The following CLCN7 variants were observed in gnomAD, a reference collection of about 807,000 sequenced individuals.
CLCN7 encodes the protein H(+)/Cl(-) exchange transporter 7.
A neutral mutation model predicts 102.1 loss-of-function variants in CLCN7; 60 were observed. The observed-to-expected ratio is 0.59, with a 90% CI of 0.48 to 0.73. The LOEUF is 0.73. Among genes scored for constraint, CLCN7 ranks in the 30% least tolerant of loss-of-function variants. The pLI is 0.00. For missense variants in CLCN7, 962 were observed against 1,125.7 expected (o/e 0.85, Z 2.08); for synonymous variants, 560 against 490.5 (o/e 1.14, Z -1.87).
chr16:1,455,431 C>A, intron 11 of CLCN7, 181 bp from the exon 12 acceptor site: 1 of 664,448 alleles, frequency 1.5e-6, no homozygotes. Flanking sequence ...CAAGGAGCGG[C>A]CCAGCCCTCT....
In CLCN7 at chr16:1,452,801, C is replaced by T. The variant is rs553904081; in HGVS notation, c.1307G>A (p.Arg436Gln). 2.0e-5 allele frequency: 32 copies of T among 1,605,922 alleles called. No individual in the cohort carries two copies. The highest frequency in any genetic ancestry group is 1.2e-4 in the South Asian group (11 of 89,958). Reference sequence around the variant, plus strand: ...GCCCCCCTGCAGGGGCTGGCAATCCCGCGACGAGTAGATCAGCACGAAGGC... The same window carrying T: ...GCCCCCCTGCAGGGGCTGGCAATCCTGCGACGAGTAGATCAGCACGAAGGC... ...TVAFVLIYSS[R>Q]DCQPLQGGSM... Residue 436 changes from arginine (R) to glutamine (Q), a missense_variant, in exon 15 of 25, where the codon CGG (arginine) becomes CAG (glutamine). Arg to Gln is a conservative substitution (Grantham distance 43, BLOSUM62 1). Coordinates refer to ENST00000382745, the MANE Select transcript of CLCN7 (RefSeq NM_001287.6).
rs374886103 is a variant in CLCN7, at chr16:1,455,110, G to A, written c.1098+24C>T. On this transcript the variant is annotated intron_variant, in intron 12 of 24. Transcript: ENST00000382745. ...TCCTGGACCAGGATACGAGGTGGGC[G>A]AGGTGGGCGATGGGGCAGGTTACCT... The A allele has an allele frequency of 8.9e-5, 119 of 1,336,208 alleles. 1 individual carries two copies. The highest frequency in any genetic ancestry group is 1.1e-4 in the Non-Finnish European group (105 of 926,264). The allele number at this position is 1,336,208 out of a possible 1,614,324, so 82.8% of individuals were successfully genotyped here. A position where few individuals can be genotyped will look rare whatever the true frequency, so the allele number is the denominator to read the frequency against.
intron 6 of CLCN7, 151 bp downstream of exon 6, chr16:1,460,267 G>A (rs1203477636): frequency 7.4e-6 from 5 of 680,142 alleles, no homozygotes; most frequent in South Asian, 6.0e-5. Context: ...TCCTCCTGAG[G>A]TTGTGAGTCT....
rs2038862607 is a variant in CLCN7 at position 1,457,849 on chromosome 16, C to T, written c.676-93G>A. The T allele has an allele frequency of 3.0e-6, 4 of 1,314,000 alleles. No individual in the cohort carries two copies. Among genetic ancestry groups the T allele is most frequent in the Admixed American group, 1.7e-5 (1 of 57,538 alleles). 81.4% of individuals were successfully genotyped at this position (1,314,000 alleles called of 1,614,324 possible). A position where few individuals can be genotyped will look rare whatever the true frequency, so the allele number is the denominator to read the frequency against. ...AACAGCACACACAGCCCCGATCAGG[C>T]AGAGTGGCTGGGACACGGGGCCTCC... On this transcript the variant is annotated intron_variant, in intron 7 of 24. Transcript: ENST00000382745. The surrounding 1 kb of genome is among the most constrained non-coding windows in gnomAD (Gnocchi z 5.4).
chr16:1,458,835 C>T (rs1466677260), intron 7 of CLCN7, among the ~76,000 whole-genome samples: 1 of 152,252 alleles, frequency 6.6e-6, no homozygotes, highest in Non-Finnish European at 1.5e-5. Flanking sequence ...CAGTCACAGA[C>T]GCGTCGCACA....
Position 1,445,932 on chromosome 16 carries a change from G to GACTCCAA in CLCN7, c.*698_*699insTTGGAGT. The GACTCCAA allele has an allele frequency of 3.7e-6, 1 of 269,572 alleles. No homozygotes were observed. Among genetic ancestry groups the GACTCCAA allele is most frequent in the Non-Finnish European group, 7.0e-6 (1 of 142,478 alleles). The allele number at this position is 269,572 out of a possible 1,614,324, so 16.7% of individuals were successfully genotyped here. On this transcript the variant is annotated 3_prime_UTR_variant, in exon 25 of 25. Coordinates refer to ENST00000382745, the MANE Select transcript of CLCN7 (RefSeq NM_001287.6). ...AAGGCAGGGCTGGGCATGGGGCTCA[G>GACTCCAA]GGCCTTGGAGGTTTTTCTCAGCTCT... is the stretch of plus-strand genomic sequence containing the variant.
intron 21 of CLCN7, among the ~76,000 whole-genome samples, chr16:1,448,105 C>T (rs1016150945): frequency 1.3e-5 from 2 of 152,196 alleles, no homozygotes; most frequent in African/African-American, 2.4e-5. Flanking sequence ...AAAGTCACGG[C>T]CCCCAGTGCC....
intron 10 of CLCN7, 58 bp downstream of exon 10, chr16:1,456,055 G>A (rs1383910514): frequency 1.7e-5 from 24 of 1,386,474 alleles, no homozygotes; most frequent in South Asian, 2.5e-5. Context: ...AGAGGAGACC[G>A]TTCCTTCCAA....
chr16:1,470,617 G>T (rs2039065923), intron 1 of CLCN7, among the ~76,000 whole-genome samples: 1 of 152,222 alleles, frequency 6.6e-6, no homozygotes, highest in African/African-American at 2.4e-5. Flanking sequence ...ATGCTGGAGG[G>T]CAGGGAAGGG....
intron 1 of CLCN7, 121 bp downstream of exon 1, chr16:1,474,713 C>T: frequency 1.1e-6 from 1 of 893,986 alleles, no homozygotes; most frequent in Non-Finnish European, 1.4e-6. Flanking sequence ...GTTCCCGAGT[C>T]CACCGCGCCT....
intron 2 of CLCN7, 119 bp downstream of exon 2, chr16:1,465,148 C>A: frequency 1.1e-6 from 1 of 872,466 alleles, no homozygotes; most frequent in Admixed American, 2.0e-5. Flanking sequence ...GGAAATCTTC[C>A]CTGAACCCCG....
At chr16:1,455,605 TGACAGACCCACAGGG>T in intron 11 of CLCN7, 111 bp downstream of exon 11, 1 of 1,044,294 alleles carries the variant, frequency 9.6e-7, no homozygotes, top group Non-Finnish European at 1.5e-6. Flanking sequence ...GACCAAGGCC[TGACAGACCCACAGGG>T]GGTCCAGCTC....
intron 6 of CLCN7, chr16:1,459,428 C>G: frequency 2.0e-6 from 1 of 493,086 alleles, no homozygotes; most frequent in Non-Finnish European, 3.7e-6. Context: ...GCTCAGCACA[C>G]ACGTCGGGGC....
rs1023162670 is a variant in CLCN7 at position 1,446,268 on chromosome 16, T to C, written c.*363A>G. ...GGGGCAGCAGCAGGGGCAAGGGCTC[T>C]GTCTCACGCACACGGGCACAGGCAC... On this transcript the variant is annotated 3_prime_UTR_variant, in exon 25 of 25. Coordinates refer to ENST00000382745, the MANE Select transcript of CLCN7 (RefSeq NM_001287.6). 7.5e-5 allele frequency: 52 copies of C among 689,700 alleles called. No individual in the cohort carries two copies. The East Asian group carries it at 1.4e-3, about 18-fold the overall frequency. The allele number at this position is 689,700 out of a possible 1,614,324, so 42.7% of individuals were successfully genotyped here.
At position 1,474,464 on chromosome 16, in the gene CLCN7, A is replaced by G. The variant is rs1364718810; in HGVS notation, c.141+370T>C. 8 of 344,022 alleles carry G rather than the reference A, an allele frequency of 2.3e-5. No individual in the cohort carries two copies. In the Admixed American group the frequency reaches 3.5e-4, roughly 15 times the overall value. The allele number at this position is 344,022 out of a possible 1,614,324, so 21.3% of individuals were successfully genotyped here. ...TGCTCGTGTAGGATGACAATTTTTAAAAGTCACCTGAACAGAAAGCCACTT... is the reference window on the plus strand; with the variant it reads ...TGCTCGTGTAGGATGACAATTTTTAGAAGTCACCTGAACAGAAAGCCACTT... On this transcript the variant is annotated intron_variant, in intron 1 of 24. Coordinates refer to ENST00000382745, the MANE Select transcript of CLCN7 (RefSeq NM_001287.6).
At position 1,446,219 on chromosome 16, in the gene CLCN7, C is replaced by T; in HGVS notation, c.*412G>A. On this transcript the variant is annotated 3_prime_UTR_variant, in exon 25 of 25. Transcript: ENST00000382745. Reference sequence around the variant, plus strand: ...CTCCACTGGTGTGGAGGCAGAGGGGCCCTTCCAGGGCAGGGCAGCCCTCGG... The same window carrying T: ...CTCCACTGGTGTGGAGGCAGAGGGGTCCTTCCAGGGCAGGGCAGCCCTCGG... The T allele has an allele frequency of 1.6e-6, 1 of 632,658 alleles. No homozygotes were observed. The allele number at this position is 632,658 out of a possible 1,614,324, so 39.2% of individuals were successfully genotyped here. A position where few individuals can be genotyped will look rare whatever the true frequency, so the allele number is the denominator to read the frequency against.
rs1468307771 is a variant in CLCN7 at position 1,448,404 on chromosome 16, G to A, written c.1964C>T (p.Ala655Val). 1.9e-6 allele frequency: 3 copies of A among 1,612,672 alleles called. No homozygotes were observed. The highest frequency in any genetic ancestry group is 1.7e-5 in the Admixed American group (1 of 60,014). Reference protein sequence around the residue: ...GVIVDVLSDTASNHNGFPVVE... With the variant: ...GVIVDVLSDTVSNHNGFPVVE... ...CACGGGGAAGCCGTTGTGATTGGAC[G>A]CCGTGTCGCTCAGCACGTCCACAAT... Residue 655 changes from alanine to valine, a missense_variant, in exon 21 of 25, where the codon GCG becomes GTG. Physicochemically the swap from Ala to Val is moderately conservative, Grantham distance 64. Coordinates refer to ENST00000382745, the MANE Select transcript of CLCN7 (RefSeq NM_001287.6).
intron 14 of CLCN7, 46 bp downstream of exon 14, chr16:1,453,788 T>G (rs765029582): frequency 1.3e-6 from 2 of 1,582,064 alleles, no homozygotes; most frequent in Non-Finnish European, 1.7e-6. Context: ...AAAGGGCCTG[T>G]GTGGCCACGC....
intron 1 of CLCN7, among the ~76,000 whole-genome samples, chr16:1,472,882 C>T (rs949761514): frequency 1.9e-4 from 29 of 149,156 alleles, no homozygotes; most frequent in African/African-American, 6.8e-4. Flanking sequence ...TCTGCCTCAG[C>T]CTCCCGAGCC....
Sources: gnomAD v4.1 joint callset for allele counts (sites outside exome capture counted in the v4.1 genomes callset) on GRCh38, gnomAD v4.1.1 for gene constraint, Gnocchi (gnomAD v3.1) non-coding constraint, MANE v1.5 for transcripts, NCBI Gene and HGNC (gene_info 2026-07-23, HGNC 2026-07-21) for gene names.